The following SNX29 variants were observed in gnomAD, a reference collection of about 807,000 sequenced individuals.
SNX29 encodes sorting nexin-29.
Under a neutral mutation model 102.1 loss-of-function variants are expected in SNX29, and 78 were observed. The observed-to-expected ratio is 0.76, with a 90% CI of 0.64 to 0.92. The LOEUF is 0.92. SNX29 is among the 40% of genes least tolerant of loss of function. The pLI, the probability that SNX29 is intolerant of heterozygous loss-of-function variation, is 0.00. For synonymous variants in SNX29, 580 were observed against 414.5 expected, an observed-to-expected ratio of 1.40 and a Z score of -4.85; for missense variants, 1,280 against 1,061.7, an observed-to-expected ratio of 1.21 and a Z score of -2.86.
In SNX29 at chr16:12,569,950, G is replaced by A. The variant is rs117343939; in HGVS notation, c.*1321G>A. ...AGGAGAAAAGCAGGTGGAAGGTGACGGTTAGATGGTAAGCCATGGGCTTGT... is the reference window on the plus strand; with the variant it reads ...AGGAGAAAAGCAGGTGGAAGGTGACAGTTAGATGGTAAGCCATGGGCTTGT... On this transcript the variant is annotated 3_prime_UTR_variant, in exon 21 of 21. Coordinates refer to ENST00000566228, the MANE Select transcript of SNX29 (RefSeq NM_032167.5). 3,314 of 234,374 alleles carry A rather than the reference G, an allele frequency of 0.014. 37 individuals are homozygous for A. Among genetic ancestry groups the A allele is most frequent in the Middle Eastern group, 0.054 (42 of 780 alleles). The allele number at this position is 234,374 out of a possible 1,614,324, so 14.5% of individuals were successfully genotyped here.
chr16:12,507,788 C>G (rs546539041), intron 19 of SNX29, among the ~76,000 whole-genome samples: 19 of 152,314 alleles, frequency 1.2e-4, no homozygotes, highest in African/African-American at 3.8e-4. Flanking sequence ...CCCTCCCTCC[C>G]CTTATCCATG....
intron 7 of SNX29, among the ~76,000 whole-genome samples, chr16:12,051,267 T>C (rs1245798000): frequency 6.6e-6 from 1 of 151,082 alleles, no homozygotes; most frequent in East Asian, 1.9e-4. Flanking sequence ...AATTTGAGGT[T>C]ACAGTGAGCT....
chr16:12,097,949 G>A (rs376697751), intron 11 of SNX29, among the ~76,000 whole-genome samples: 1 of 152,202 alleles, frequency 6.6e-6, no homozygotes, highest in South Asian at 2.1e-4. Flanking sequence ...AAAGTTGGGG[G>A]AGCTGCACCG....
At position 12,573,790 on chromosome 16, in the gene SNX29, G is replaced by A. The variant is rs3169265; in HGVS notation, c.*5161G>A. The A allele has an allele frequency of 0.24, 53,220 of 220,648 alleles. 6,766 individuals carry two copies. The highest frequency in any genetic ancestry group is 0.43 in the East Asian group (6,467 of 15,056). The allele number at this position is 220,648 out of a possible 1,614,324, so 13.7% of individuals were successfully genotyped here. On this transcript the variant is annotated 3_prime_UTR_variant, in exon 21 of 21. Coordinates refer to ENST00000566228, the MANE Select transcript of SNX29 (RefSeq NM_032167.5). ...TGACCCCAGAGACCATTAATTTCCC[G>A]GAGTGAAGGGGATGGGGGTAGAGCT... is the stretch of plus-strand genomic sequence containing the variant.
chr16:12,206,159 T>TTG (rs1303298645), intron 14 of SNX29, among the ~76,000 whole-genome samples: 4 of 152,214 alleles, frequency 2.6e-5, no homozygotes, highest in African/African-American at 9.6e-5. Context: ...CCTGCCCTGG[T>TTG]TGTGTCATTC....
intron 20 of SNX29, among the ~76,000 whole-genome samples, chr16:12,541,192 T>C (rs554958359): frequency 1.3e-5 from 2 of 152,264 alleles, no homozygotes; most frequent in Non-Finnish European, 2.9e-5. Context: ...TTGTCTATCC[T>C]GAAGTATTAT....
chr16:12,213,278 G>C (rs2077235848), intron 14 of SNX29, among the ~76,000 whole-genome samples: 1 of 152,190 alleles, frequency 6.6e-6, no homozygotes, highest in Non-Finnish European at 1.5e-5. Context: ...GAGCCAAGCT[G>C]TGGGCACACA....
At chr16:12,466,524 A>C (rs1180845568) in intron 18 of SNX29, among the ~76,000 whole-genome samples, 1 of 152,218 alleles carries the variant, frequency 6.6e-6, no homozygotes, top group African/African-American at 2.4e-5. Context: ...CTGCCGTCAG[A>C]TGTGGCACCC....
intron 15 of SNX29, among the ~76,000 whole-genome samples, chr16:12,280,972 G>A (rs944408567): frequency 2.0e-5 from 3 of 152,170 alleles, no homozygotes; most frequent in African/African-American, 7.2e-5. Flanking sequence ...CAGTGGTACA[G>A]CCTTGGCTCA....
chr16:12,344,841 C>T (rs1272786376), intron 15 of SNX29, among the ~76,000 whole-genome samples: 7 of 152,224 alleles, frequency 4.6e-5, no homozygotes, highest in South Asian at 4.1e-4. Flanking sequence ...AATCAATAGC[C>T]GTCCTCTGCA....
At chr16:12,416,356 T>TCA (rs1305036438) in intron 18 of SNX29, among the ~76,000 whole-genome samples, 2 of 152,182 alleles carry the variant, frequency 1.3e-5, no homozygotes. Context: ...GGTGATCTGT[T>TCA]GCGCAGCAGG....
At chr16:12,221,550 G>T (rs1001560661) in intron 14 of SNX29, among the ~76,000 whole-genome samples, 13 of 152,178 alleles carry the variant, frequency 8.5e-5, no homozygotes, top group Admixed American at 1.3e-4. Flanking sequence ...GGAGGTGGAG[G>T]TTGCAGTAAG....
intron 19 of SNX29, among the ~76,000 whole-genome samples, chr16:12,505,372 C>G (rs1463281584): frequency 6.6e-6 from 1 of 151,948 alleles, no homozygotes; most frequent in East Asian, 1.9e-4. Flanking sequence ...TGAAAAAAAA[C>G]CATTGTTTCC....
intron 20 of SNX29, among the ~76,000 whole-genome samples, chr16:12,558,185 A>G (rs2078490335): frequency 6.6e-6 from 1 of 151,614 alleles, no homozygotes; most frequent in Admixed American, 6.6e-5. Context: ...TCAGTTTTTA[A>G]TAATTACGGT....
At chr16:12,185,491 G>C (rs569551638) in intron 13 of SNX29, among the ~76,000 whole-genome samples, 2 of 152,102 alleles carry the variant, frequency 1.3e-5, no homozygotes, top group Non-Finnish European at 2.9e-5. Flanking sequence ...CCCTGCAAAC[G>C]TGTGTTTCAG....
intron 11 of SNX29, among the ~76,000 whole-genome samples, chr16:12,120,951 G>A (rs1337498848): frequency 6.6e-6 from 1 of 152,198 alleles, no homozygotes; most frequent in African/African-American, 2.4e-5. Context: ...GTTCTGTGCC[G>A]AGGCCTTGAA....
rs116316763 is a variant in SNX29 at position 12,125,153 on chromosome 16, G to C, written c.1403-1480G>C. ...CCCGATGTTACCTACCAGCTTTACTGCCCAAAAAGAGTCACAAAACAGCCA... is the reference window on the plus strand; with the variant it reads ...CCCGATGTTACCTACCAGCTTTACTCCCCAAAAAGAGTCACAAAACAGCCA... On this transcript the variant is annotated intron_variant, in intron 11 of 20. Transcript: ENST00000566228. 6.9e-3 allele frequency among the ~76,000 whole-genome samples: 1,056 copies of C among 152,194 alleles called. 15 individuals carry two copies. Among genetic ancestry groups the C allele is most frequent in the African/African-American group, 0.024 (1,014 of 41,524 alleles).
chr16:12,492,357 G>A (rs1484329181), intron 19 of SNX29, among the ~76,000 whole-genome samples: 6 of 152,010 alleles, frequency 3.9e-5, no homozygotes, highest in Non-Finnish European at 8.8e-5. Flanking sequence ...CATATCCTTC[G>A]CCCACTTTTT....
intron 14 of SNX29, among the ~76,000 whole-genome samples, chr16:12,257,229 T>C (rs1006564289): frequency 6.6e-6 from 1 of 152,166 alleles, no homozygotes. Flanking sequence ...GTTGAGTCCT[T>C]TTCATTCTTG....
Sources: allele counts gnomAD v4.1 joint callset (sites outside exome capture counted in the v4.1 genomes callset), GRCh38; gene constraint gnomAD v4.1.1; transcripts MANE v1.5; gene names NCBI Gene and HGNC (gene_info 2026-07-23, HGNC 2026-07-21).